Variants in EPG5 observed in about 807,000 individuals in gnomAD.
EPG5 encodes the protein ectopic P granules protein 5 homolog.
In EPG5, 159 loss-of-function variants were observed where a neutral mutation model predicts 302.7. That is an observed-to-expected ratio of 0.53 (90% CI 0.46 to 0.60). The LOEUF (loss-of-function observed/expected upper bound fraction) is 0.60, where lower values mean the gene tolerates loss of function less well. EPG5 is among the 20% of genes least tolerant of loss of function. The probability of loss-of-function intolerance (pLI) is 0.00; values close to 1 mark genes in which losing one functional copy is unlikely to be tolerated. For synonymous variants in EPG5, 1,158 were observed against 1,136.8 expected (o/e 1.02, Z -0.37); for missense variants, 2,896 against 3,092.4 (o/e 0.94, Z 1.51).
chr18:45,964,050 AG>A (rs1025931394), intron 1 of EPG5, among the ~76,000 whole-genome samples: 31 of 152,342 alleles, frequency 2.0e-4, no homozygotes, highest in African/African-American at 7.5e-4. Context: ...TCTGAAATAA[AG>A]GCCTCTTCAT....
At position 45,887,845 on chromosome 18, in the gene EPG5, A is replaced by T; in HGVS notation, c.5015T>A (p.Leu1672His). 1 of 1,602,346 alleles carries T rather than the reference A, an allele frequency of 6.2e-7. No homozygotes were observed. The highest frequency in any genetic ancestry group is 8.5e-7 in the Non-Finnish European group (1 of 1,171,060). Residue 1672 changes from leucine to histidine, a missense_variant, in exon 29 of 44, where the codon CTT becomes CAT. Coordinates refer to ENST00000282041, the MANE Select transcript of EPG5 (RefSeq NM_020964.3). ...TPGIQKVGIS[L>H]FFTIVDYVSD... The stretch of plus-strand genomic sequence containing the variant: ...GACGTAATCCACAATAGTAAAGAAA[A>T]GGCTAATGCCAACTTTCTGAATCCC...
At chr18:45,875,883 C>T (rs2048958340) in intron 35 of EPG5, among the ~76,000 whole-genome samples, 1 of 151,928 alleles carries the variant, frequency 6.6e-6, no homozygotes, top group Non-Finnish European at 1.5e-5. Flanking sequence ...GGTGAAACCC[C>T]GTCTCTACTA....
At chr18:45,855,416 T>C (rs745840417) in intron 43 of EPG5, 157 bp downstream of exon 43, 5 of 567,322 alleles carry the variant, frequency 8.8e-6, no homozygotes, top group Non-Finnish European at 1.3e-5. Context: ...GGTTGGCACA[T>C]GAAACCATTT....
the EPG5 span, among the ~76,000 whole-genome samples, chr18:45,803,583 C>A: frequency 6.6e-6 from 1 of 152,160 alleles, no homozygotes; most frequent in African/African-American, 2.4e-5. Flanking sequence ...GCAACCCCAG[C>A]TGCTAGAAAG....
At chr18:45,869,010 G>A (rs548750230) in intron 36 of EPG5, among the ~76,000 whole-genome samples, 44 of 150,546 alleles carry the variant, frequency 2.9e-4, no homozygotes, top group South Asian at 2.1e-4. Context: ...AGCCAAGATC[G>A]TGCCACTGCA....
Position 45,852,500 on chromosome 18 carries a change from A to G in EPG5, c.7707T>C (p.Tyr2569=), listed in dbSNP as rs750243664. 72 of 1,614,236 alleles carry G rather than the reference A, an allele frequency of 4.5e-5. 1 individual carries two copies. The South Asian group carries it at 7.8e-4, about 17-fold the overall frequency. The change falls in exon 44 of 44, where the codon TAT becomes TAC. Residue 2569 remains tyrosine (Y), a synonymous_variant. Coordinates refer to ENST00000282041, the MANE Select transcript of EPG5 (RefSeq NM_020964.3). ...TGTGGTCCAAATAATGCACTTCTGG[A>G]TACAGACAGTTAACGAGAAGAGCCA... is the stretch of plus-strand genomic sequence containing the variant. ...SFLALLVNCL[Y]PEVHYLDHIR is the part of the protein sequence containing the mutation.
the EPG5 span, among the ~76,000 whole-genome samples, chr18:45,836,612 G>A: frequency 6.6e-6 from 1 of 152,194 alleles, no homozygotes; most frequent in Non-Finnish European, 1.5e-5. Flanking sequence ...TGGTTCACAA[G>A]GTGGGGAATG....
At chr18:45,814,115 C>T in the EPG5 span, among the ~76,000 whole-genome samples, 1 of 152,104 alleles carries the variant, frequency 6.6e-6, no homozygotes, top group African/African-American at 2.4e-5. Context: ...TGGAAGACAT[C>T]ACCTTAACCA....
chr18:45,954,646 T>C lies in EPG5; in HGVS notation c.756A>G (p.Leu252=), dbSNP rs1413215310. 4 of 1,614,144 alleles carry C rather than the reference T, an allele frequency of 2.5e-6. No homozygotes were observed. Among genetic ancestry groups the C allele is most frequent in the Non-Finnish European group, 2.5e-6 (3 of 1,180,048 alleles). The change falls in exon 2 of 44, where the codon CTA becomes CTG. Residue 252 remains leucine, a synonymous_variant. Coordinates refer to ENST00000282041, the MANE Select transcript of EPG5 (RefSeq NM_020964.3). ...TTAGCTGTTCTTTAGTAAATGGTAC[T>C]AGTTCCAGTTGAGACGGGAGTTCTG... ...LYPELPSQLE[L]VPFTKEQLKI...
chr18:45,965,472 AG>A (rs1408901506), intron 1 of EPG5, among the ~76,000 whole-genome samples: 1 of 152,228 alleles, frequency 6.6e-6, no homozygotes, highest in Non-Finnish European at 1.5e-5. Context: ...AGAAAAAAAA[AG>A]AGCATCATAA....
chr18:45,867,256 C>T (rs1320554787), intron 37 of EPG5, among the ~76,000 whole-genome samples: 1 of 152,142 alleles, frequency 6.6e-6, no homozygotes, highest in Admixed American at 6.5e-5. Context: ...CAAAAGAACT[C>T]CCTGTTCTGG....
intron 14 of EPG5, among the ~76,000 whole-genome samples, chr18:45,924,732 A>T (rs988024134): frequency 4.6e-5 from 7 of 152,248 alleles, no homozygotes; most frequent in African/African-American, 1.4e-4. Flanking sequence ...GAATCATCCT[A>T]AACATCTTGT....
At chr18:45,876,394 G>A (rs1423837970) in intron 34 of EPG5, 52 bp from the exon 35 acceptor site, 2 of 1,460,256 alleles carry the variant, frequency 1.4e-6, no homozygotes, top group Non-Finnish European at 1.9e-6. Context: ...TTAAAATACT[G>A]TTAAGTCCCA....
the EPG5 span, among the ~76,000 whole-genome samples, chr18:45,813,963 GA>G: frequency 3.3e-5 from 5 of 151,300 alleles, no homozygotes; most frequent in East Asian, 5.8e-4. Flanking sequence ...TTAGAAATTT[GA>G]AAAAAAATCA....
At chr18:45,931,387 T>A (rs1429650088) in intron 11 of EPG5, among the ~76,000 whole-genome samples, 1 of 152,178 alleles carries the variant, frequency 6.6e-6, no homozygotes, top group Non-Finnish European at 1.5e-5. Context: ...TCATAAACGA[T>A]ATAATAAATG....
chr18:45,861,083 A>G (rs2048624323), intron 39 of EPG5, among the ~76,000 whole-genome samples: 1 of 152,212 alleles, frequency 6.6e-6, no homozygotes, highest in African/African-American at 2.4e-5. Flanking sequence ...TAGCTTTCAC[A>G]CCACAAGGAT....
chr18:45,855,790 C>A, intron 42 of EPG5, 103 bp from the exon 43 acceptor site: 3 of 741,082 alleles, frequency 4.0e-6, no homozygotes, highest in East Asian at 2.7e-5. Flanking sequence ...AACACATTTC[C>A]AGATCTACTG....
chr18:45,892,296 C>T (rs1157782330), intron 27 of EPG5, among the ~76,000 whole-genome samples: 3 of 151,958 alleles, frequency 2.0e-5, no homozygotes, highest in Admixed American at 6.6e-5. Context: ...TCTTTTTTTA[C>T]TGCAATGAAG....
chr18:45,807,363 C>A, the EPG5 span, among the ~76,000 whole-genome samples: 1 of 152,186 alleles, frequency 6.6e-6, no homozygotes, highest in Non-Finnish European at 1.5e-5. Context: ...CCTGTTCTTC[C>A]CCATACTACT....
Sources: allele counts gnomAD v4.1 joint callset (sites outside exome capture counted in the v4.1 genomes callset), GRCh38; gene constraint gnomAD v4.1.1; transcripts MANE v1.5; gene names NCBI Gene and HGNC (gene_info 2026-07-23, HGNC 2026-07-21).